EMP2: variants seen among roughly 807,000 people sequenced by gnomAD.
The protein encoded by EMP2 is epithelial membrane protein 2.
A neutral mutation model predicts 13.7 loss-of-function variants in EMP2; 19 were observed. The ratio of observed to expected loss-of-function variants is 1.38; its 90% CI spans 0.97 to 2.03. The LOEUF is 2.03. Among genes scored for constraint, EMP2 ranks in the 30% most tolerant of loss-of-function variants. The probability of loss-of-function intolerance (pLI) is 0.00; values close to 1 mark genes in which losing one functional copy is unlikely to be tolerated. For missense variants in EMP2, 253 were observed against 220.7 expected (o/e 1.15, Z -0.93); for synonymous variants, 97 against 84.7 (o/e 1.15, Z -0.80).
chr16:10,536,416 T>C (rs988791944), intron 4 of EMP2, among the ~76,000 whole-genome samples: 2 of 152,148 alleles, frequency 1.3e-5, no homozygotes, highest in Admixed American at 6.5e-5. Context: ...CATTGAATCA[T>C]GGGGGCGGTT....
At chr16:10,563,224 C>G (rs1468740457) in intron 1 of EMP2, among the ~76,000 whole-genome samples, 2 of 152,062 alleles carry the variant, frequency 1.3e-5, no homozygotes, top group Non-Finnish European at 2.9e-5. Context: ...TGGAGTCTCA[C>G]TCTGTCACCC....
rs1405300170 is a variant in EMP2 at position 10,532,285 on chromosome 16, G to C, written c.*620C>G. On this transcript the variant is annotated 3_prime_UTR_variant, in exon 5 of 5. Coordinates refer to ENST00000359543, the MANE Select transcript of EMP2 (RefSeq NM_001424.6). ...AGGATGACCATTCCTAAGGCAAGCA[G>C]GTGACACTGTCGGCAAATTGAGGTG... The C allele has an allele frequency of 6.5e-6, 1 of 154,186 alleles. No homozygotes were observed. Among genetic ancestry groups the C allele is most frequent in the African/African-American group, 2.4e-5 (1 of 41,478 alleles). The allele number at this position is 154,186 out of a possible 1,614,324, so 9.6% of individuals were successfully genotyped here. A position where few individuals can be genotyped will look rare whatever the true frequency, so the allele number is the denominator to read the frequency against.
intron 1 of EMP2, chr16:10,576,370 G>T (rs2050984182): frequency 6.6e-6 from 1 of 152,094 alleles, no homozygotes; most frequent in South Asian, 2.1e-4. Flanking sequence ...ACAGTTCAGA[G>T]AAGTTTGTGA....
At position 10,532,225 on chromosome 16, in the gene EMP2, G is replaced by C. The variant is rs2050609443; in HGVS notation, c.*680C>G. ...TGAGGGGGGGGGCGCTGTAGGTTTT[G>C]CCTAAAGACGAGTCTAAATCTGGCA... On this transcript the variant is annotated 3_prime_UTR_variant, in exon 5 of 5. Transcript: ENST00000359543. 1 of 154,590 alleles carries C rather than the reference G, an allele frequency of 6.5e-6. No individual in the cohort carries two copies. The highest frequency in any genetic ancestry group is 1.5e-5 in the Non-Finnish European group (1 of 68,246). The allele number at this position is 154,590 out of a possible 1,614,324, so 9.6% of individuals were successfully genotyped here.
At chr16:10,551,140 A>T (rs1198642518) in intron 1 of EMP2, among the ~76,000 whole-genome samples, 2 of 152,172 alleles carry the variant, frequency 1.3e-5, no homozygotes, top group African/African-American at 4.8e-5. Context: ...CTAAGCAGTT[A>T]TTCCCTATTC....
At chr16:10,574,344 T>C (rs999566713) in intron 1 of EMP2, among the ~76,000 whole-genome samples, 13 of 152,180 alleles carry the variant, frequency 8.5e-5, no homozygotes, top group Non-Finnish European at 1.5e-5. Context: ...TTGGATATTC[T>C]ATTCCAATAA....
rs2050576603 is a variant in EMP2, at chr16:10,528,995, G to C, written c.*3910C>G. On this transcript the variant is annotated 3_prime_UTR_variant, in exon 5 of 5. Coordinates refer to ENST00000359543, the MANE Select transcript of EMP2 (RefSeq NM_001424.6). ...ATAGCAGAGTGTGTGGGAGTGAATA[G>C]GTCTCCGATGTTCCTGTATTCAGGT... is the stretch of plus-strand genomic sequence containing the variant. 2 of 151,690 alleles carry C rather than the reference G, an allele frequency of 1.3e-5. No individual in the cohort carries two copies. Among genetic ancestry groups the C allele is most frequent in the African/African-American group, 4.9e-5 (2 of 41,210 alleles). The allele number at this position is 151,690 out of a possible 1,614,324, so 9.4% of individuals were successfully genotyped here. A position where few individuals can be genotyped will look rare whatever the true frequency, so the allele number is the denominator to read the frequency against.
chr16:10,555,464 C>G (rs2050820435), intron 1 of EMP2, among the ~76,000 whole-genome samples: 1 of 152,128 alleles, frequency 6.6e-6, no homozygotes, highest in African/African-American at 2.4e-5. Context: ...CAGAACTTCT[C>G]TTTTAAAAAT....
intron 1 of EMP2, among the ~76,000 whole-genome samples, chr16:10,563,912 A>G (rs1008249824): frequency 3.9e-5 from 6 of 152,230 alleles, no homozygotes; most frequent in Non-Finnish European, 7.3e-5. Flanking sequence ...GAGCCCCCAA[A>G]TTGGGGCTTC....
chr16:10,543,315 A>G (rs1297258919), intron 3 of EMP2, among the ~76,000 whole-genome samples: 2 of 152,276 alleles, frequency 1.3e-5, no homozygotes, highest in Non-Finnish European at 2.9e-5. Flanking sequence ...CTGTGCCAAG[A>G]GGCAGAGAAG....
At position 10,532,969 on chromosome 16, in the gene EMP2, C is replaced by G. The variant is rs1567199293; in HGVS notation, c.440G>C (p.Trp147Ser). The G allele has an allele frequency of 1.2e-6, 2 of 1,610,204 alleles. No individual in the cohort carries two copies. The highest frequency in any genetic ancestry group is 8.5e-7 in the Non-Finnish European group (1 of 1,178,260). ...GATGAAGGTGCAGGCGAAGGCCACC[C>G]ACGCCAGGATGTAGGAGTAGCCGTA... ...GSYGYSYILA[W>S]VAFACTFISG... Residue 147 changes from tryptophan (W) to serine (S), a missense_variant, in exon 5 of 5, where the codon TGG becomes TCG. Coordinates refer to ENST00000359543, the MANE Select transcript of EMP2 (RefSeq NM_001424.6).
chr16:10,538,558 G>A (rs1187288782), intron 3 of EMP2, among the ~76,000 whole-genome samples: 2 of 152,154 alleles, frequency 1.3e-5, no homozygotes, highest in Admixed American at 6.5e-5. Context: ...GGTATCGGAG[G>A]CTGATCTTCA....
chr16:10,578,933 C>T (rs2142218135), intron 1 of EMP2, among the ~76,000 whole-genome samples: 1 of 152,370 alleles, frequency 6.6e-6, no homozygotes, highest in East Asian at 1.9e-4. Flanking sequence ...TCCCCTCATT[C>T]CCTGCAAACC....
At chr16:10,561,341 C>G (rs561071746) in intron 1 of EMP2, among the ~76,000 whole-genome samples, 1 of 152,094 alleles carries the variant, frequency 6.6e-6, no homozygotes, top group African/African-American at 2.4e-5. Context: ...CAGGAGAAAA[C>G]GGGCTAGAAC....
At position 10,529,544 on chromosome 16, in the gene EMP2, C is replaced by G. The variant is rs1405638643; in HGVS notation, c.*3361G>C. On this transcript the variant is annotated 3_prime_UTR_variant, in exon 5 of 5. Coordinates refer to ENST00000359543, the MANE Select transcript of EMP2 (RefSeq NM_001424.6). ...CATTCAACACAGATACTCATGTAGCCCCGACGTTTCTTGTGAAGGGAATTG... is the reference window on the plus strand; with the variant it reads ...CATTCAACACAGATACTCATGTAGCGCCGACGTTTCTTGTGAAGGGAATTG... 2 of 152,092 alleles carry G rather than the reference C, an allele frequency of 1.3e-5. No individual in the cohort carries two copies. The highest frequency in any genetic ancestry group is 2.4e-5 in the African/African-American group (1 of 41,392). The allele number at this position is 152,092 out of a possible 1,614,324, so 9.4% of individuals were successfully genotyped here.
rs188044500 is a variant in EMP2 at position 10,547,937 on chromosome 16, G to A, written c.-60-260C>T. Among the ~76,000 whole-genome samples the A allele has an allele frequency of 2.8e-3, 419 of 152,270 alleles. 1 individual carries two copies. Among genetic ancestry groups the A allele is most frequent in the Middle Eastern group, 0.027 (8 of 292 alleles). Reference sequence around the variant, plus strand: ...CAGTCCCAGCTACTTAGGAGGCTGAGGCAGGAAGATTGCTTGAGACTGGGA... The same window carrying A: ...CAGTCCCAGCTACTTAGGAGGCTGAAGCAGGAAGATTGCTTGAGACTGGGA... On this transcript the variant is annotated intron_variant, in intron 1 of 4. Transcript: ENST00000359543.
intron 4 of EMP2, among the ~76,000 whole-genome samples, chr16:10,535,908 C>A (rs961244848): frequency 6.6e-6 from 1 of 152,198 alleles, no homozygotes; most frequent in African/African-American, 2.4e-5. Flanking sequence ...TGCTCTCCAA[C>A]GCTTGGCTCA....
At chr16:10,563,184 TTTA>T (rs150005955) in intron 1 of EMP2, among the ~76,000 whole-genome samples, 45,239 of 151,064 alleles carry the variant, frequency 0.3, 8,651 homozygotes, top group African/African-American at 0.54. Flanking sequence ...GCATTTCCTC[TTTA>T]TTATTATTAT....
intron 3 of EMP2, among the ~76,000 whole-genome samples, chr16:10,541,411 G>T (rs2050697951): frequency 6.6e-6 from 1 of 152,184 alleles, no homozygotes; most frequent in Non-Finnish European, 1.5e-5. Context: ...TTAGGGGTGT[G>T]TGTGTGTGTG....
Sources: gnomAD v4.1 joint callset for allele counts (sites outside exome capture counted in the v4.1 genomes callset) on GRCh38, gnomAD v4.1.1 for gene constraint, MANE v1.5 for transcripts, NCBI Gene and HGNC (gene_info 2026-07-23, HGNC 2026-07-21) for gene names.